WWOX: variants seen among roughly 807,000 people sequenced by gnomAD.
WWOX encodes WW domain-containing oxidoreductase.
In WWOX, 69 loss-of-function variants were observed where a neutral mutation model predicts 46.2. The ratio of observed to expected loss-of-function variants is 1.49; its 90% CI spans 1.23 to 1.82. The LOEUF (loss-of-function observed/expected upper bound fraction) is 1.82, where lower values mean the gene tolerates loss of function less well. Ranked by LOEUF, WWOX falls within the 40% of genes most tolerant of loss-of-function variation. The pLI is 0.00. For missense variants in WWOX, 919 were observed against 542.6 expected, an observed-to-expected ratio of 1.69 and a Z score of -6.89; for synonymous variants, 359 against 202.6, an observed-to-expected ratio of 1.77 and a Z score of -6.56.
At chr16:78,547,823 G>A (rs1352725283) in intron 8 of WWOX, among the ~76,000 whole-genome samples, 1 of 151,902 alleles carries the variant, frequency 6.6e-6, no homozygotes, top group East Asian at 1.9e-4. Flanking sequence ...ACCTCCCAAA[G>A]GCCCTACCTC....
chr16:78,857,415 A>G (rs1281437564), intron 8 of WWOX, among the ~76,000 whole-genome samples: 2 of 152,188 alleles, frequency 1.3e-5, no homozygotes, highest in African/African-American at 4.8e-5. Context: ...GTTGTCCTGA[A>G]TCTGGTCTGG....
intron 8 of WWOX, among the ~76,000 whole-genome samples, chr16:78,862,652 A>G (rs1279982450): frequency 6.6e-6 from 1 of 152,142 alleles, no homozygotes; most frequent in Non-Finnish European, 1.5e-5. Context: ...AAAAGGCATC[A>G]GTTCCATTCC....
At chr16:78,798,874 G>C (rs1486823411) in intron 8 of WWOX, among the ~76,000 whole-genome samples, 1 of 152,190 alleles carries the variant, frequency 6.6e-6, no homozygotes, top group East Asian at 1.9e-4. Flanking sequence ...AGATTAGGCA[G>C]TGTCCTTTTC....
intron 8 of WWOX, among the ~76,000 whole-genome samples, chr16:78,739,268 G>T (rs1341892379): frequency 6.6e-6 from 1 of 152,164 alleles, no homozygotes; most frequent in Non-Finnish European, 1.5e-5. Flanking sequence ...TCATGGAAGG[G>T]TGCTTGTTCA....
intron 5 of WWOX, among the ~76,000 whole-genome samples, chr16:78,228,268 T>G (rs952944434): frequency 6.6e-6 from 1 of 151,626 alleles, no homozygotes; most frequent in Non-Finnish European, 1.5e-5. Flanking sequence ...CAGGGGGAGA[T>G]GGCATCAGCT....
At chr16:78,452,905 C>G (rs919258125) in intron 8 of WWOX, among the ~76,000 whole-genome samples, 7 of 129,776 alleles carry the variant, frequency 5.4e-5, no homozygotes, top group Admixed American at 1.5e-4. Context: ...GGGAATCTTA[C>G]TCTGTTGCCC....
intron 8 of WWOX, among the ~76,000 whole-genome samples, chr16:79,170,256 C>G (rs2050674653): frequency 6.6e-6 from 1 of 152,186 alleles, no homozygotes; most frequent in South Asian, 2.1e-4. Flanking sequence ...ATCCTCACCA[C>G]AAAACTGATA....
At chr16:78,470,195 G>A (rs1012806582) in intron 8 of WWOX, among the ~76,000 whole-genome samples, 4 of 152,182 alleles carry the variant, frequency 2.6e-5, no homozygotes, top group African/African-American at 9.7e-5. Flanking sequence ...CAAAGCTGGT[G>A]GAAGAAGTAG....
chr16:78,711,361 G>A (rs2048441014), intron 8 of WWOX, among the ~76,000 whole-genome samples: 1 of 152,150 alleles, frequency 6.6e-6, no homozygotes, highest in Non-Finnish European at 1.5e-5. Context: ...CAAAAAATAG[G>A]AACATGATGC....
At chr16:78,420,877 C>T (rs1381951452) in intron 6 of WWOX, among the ~76,000 whole-genome samples, 2 of 151,852 alleles carry the variant, frequency 1.3e-5, no homozygotes, top group African/African-American at 4.8e-5. Flanking sequence ...AAAAGTAATC[C>T]TGACTGTATA....
At chr16:78,439,605 C>T (rs2083403633) in intron 8 of WWOX, among the ~76,000 whole-genome samples, 1 of 152,188 alleles carries the variant, frequency 6.6e-6, no homozygotes, top group Non-Finnish European at 1.5e-5. Context: ...CAAACTGCAG[C>T]CTCTACTCCC....
At chr16:78,850,386 C>T (rs1274674315) in intron 8 of WWOX, among the ~76,000 whole-genome samples, 3 of 152,068 alleles carry the variant, frequency 2.0e-5, no homozygotes, top group Non-Finnish European at 4.4e-5. Context: ...CAAGTGTCTT[C>T]CCCTGTTGTA....
intron 8 of WWOX, among the ~76,000 whole-genome samples, chr16:78,731,372 G>A (rs2142384103): frequency 6.6e-6 from 1 of 152,252 alleles, no homozygotes; most frequent in East Asian, 1.9e-4. Flanking sequence ...TAGATTGCAT[G>A]ACTTCAAAGA....
intron 8 of WWOX, among the ~76,000 whole-genome samples, chr16:78,799,746 G>C (rs1249222698): frequency 2.0e-5 from 3 of 152,178 alleles, no homozygotes; most frequent in Non-Finnish European, 4.4e-5. Context: ...CACAAATGGA[G>C]AGAGGGGGAA....
At chr16:78,585,597 G>C (rs1425981718) in intron 8 of WWOX, among the ~76,000 whole-genome samples, 3 of 152,000 alleles carry the variant, frequency 2.0e-5, no homozygotes, top group African/African-American at 7.2e-5. Flanking sequence ...TCTTGACTCA[G>C]CCAGCACTCC....
At chr16:78,758,076 T>C (rs1367946163) in intron 8 of WWOX, among the ~76,000 whole-genome samples, 1 of 152,146 alleles carries the variant, frequency 6.6e-6, no homozygotes, top group East Asian at 1.9e-4. Context: ...ATTTAAAATA[T>C]TGAAGATCTA....
chr16:79,110,294 C>T (rs1567556578), intron 8 of WWOX, among the ~76,000 whole-genome samples: 1 of 152,152 alleles, frequency 6.6e-6, no homozygotes, highest in Non-Finnish European at 1.5e-5. Flanking sequence ...TTCCCCGCCA[C>T]CTCTTCTCCT....
chr16:78,691,936 T>C (rs1279771992), intron 8 of WWOX, among the ~76,000 whole-genome samples: 1 of 152,198 alleles, frequency 6.6e-6, no homozygotes, highest in Non-Finnish European at 1.5e-5. Context: ...ATTCTCATAA[T>C]AGTGAATAAG....
chr16:78,592,013 T>G (rs746920257), intron 8 of WWOX, among the ~76,000 whole-genome samples: 2 of 152,216 alleles, frequency 1.3e-5, no homozygotes, highest in Non-Finnish European at 2.9e-5. Context: ...TGATTATCCC[T>G]CAAGGTAAGC....
Sources: gnomAD v4.1 joint callset for allele counts (sites outside exome capture counted in the v4.1 genomes callset) on GRCh38, gnomAD v4.1.1 for gene constraint, MANE v1.5 for transcripts, NCBI Gene and HGNC (gene_info 2026-07-23, HGNC 2026-07-21) for gene names.